The following DOCK3 variants were observed in gnomAD, a reference collection of about 807,000 sequenced individuals.
The protein encoded by DOCK3 is dedicator of cytokinesis 3.
In DOCK3, 60 loss-of-function variants were observed where a neutral mutation model predicts 265.6. That is an observed-to-expected ratio of 0.23 (90% CI 0.18 to 0.28). The LOEUF (loss-of-function observed/expected upper bound fraction) is 0.28. Among genes scored for constraint, DOCK3 ranks in the 10% least tolerant of loss-of-function variants. The probability of loss-of-function intolerance (pLI) is 1.00; values close to 1 mark genes in which losing one functional copy is unlikely to be tolerated. For missense variants in DOCK3, 1,981 were observed against 2,594.3 expected (o/e 0.76, Z 5.14); for synonymous variants, 881 against 938.0 (o/e 0.94, Z 1.11).
At chr3:51,309,577 A>G (rs2109516436) in intron 27 of DOCK3, among the ~76,000 whole-genome samples, 1 of 152,240 alleles carries the variant, frequency 6.6e-6, no homozygotes, top group African/African-American at 2.4e-5. Context: ...GACCATGGAA[A>G]GAGAGGGAGA....
At chr3:50,919,790 G>A (rs552431403) in intron 4 of DOCK3, among the ~76,000 whole-genome samples, 21 of 152,170 alleles carry the variant, frequency 1.4e-4, no homozygotes, top group South Asian at 4.2e-4. Flanking sequence ...ACACTATGTC[G>A]AATAGGAGTG....
chr3:51,381,560 G>C lies in DOCK3; in HGVS notation c.*1G>C, dbSNP rs2088651682. 2.0e-6 allele frequency: 3 copies of C among 1,506,972 alleles called. No individual in the cohort carries two copies. The highest frequency in any genetic ancestry group is 1.4e-5 in the African/African-American group (1 of 71,780). The allele number at this position is 1,506,972 out of a possible 1,614,324, so 93.4% of individuals were successfully genotyped here. On this transcript the variant is annotated 3_prime_UTR_variant, in exon 53 of 53. Transcript: ENST00000266037. The surrounding 1 kb of genome is among the most constrained non-coding windows in gnomAD (Gnocchi z 5.6). ...GGAGCACGGCCGAGGGGAGCAGTGA[G>C]GGGCAACGAGGCGGCTGGGATGCCG... is the stretch of plus-strand genomic sequence containing the variant.
At chr3:51,010,372 A>G (rs2078894087) in intron 5 of DOCK3, among the ~76,000 whole-genome samples, 1 of 152,162 alleles carries the variant, frequency 6.6e-6, no homozygotes, top group South Asian at 2.1e-4. Flanking sequence ...CCATTATATA[A>G]TAGTCTTCTT....
At chr3:51,194,511 C>T (rs1282406923) in intron 12 of DOCK3, among the ~76,000 whole-genome samples, 3 of 152,020 alleles carry the variant, frequency 2.0e-5, no homozygotes, top group Non-Finnish European at 4.4e-5. Context: ...TGTTGAAGTC[C>T]CCAACTATTA....
At chr3:50,806,615 GT>G (rs1323770674) in intron 2 of DOCK3, among the ~76,000 whole-genome samples, 2 of 151,926 alleles carry the variant, frequency 1.3e-5, no homozygotes, top group Non-Finnish European at 2.9e-5. Flanking sequence ...AGCAGCGGGG[GT>G]TGGTTTCCCT....
intron 12 of DOCK3, among the ~76,000 whole-genome samples, chr3:51,201,016 T>A (rs926475739): frequency 2.6e-5 from 4 of 151,878 alleles, no homozygotes; most frequent in African/African-American, 9.7e-5. Context: ...AAAGAGCTCC[T>A]GAGGGAAGCA....
chr3:50,772,890 C>T (rs922550476), intron 1 of DOCK3, among the ~76,000 whole-genome samples: 8 of 151,880 alleles, frequency 5.3e-5, no homozygotes, highest in South Asian at 2.1e-4. Context: ...CAGTGCAATC[C>T]CTGTCAAAGT....
intron 49 of DOCK3, among the ~76,000 whole-genome samples, chr3:51,370,190 G>C (rs1267888661): frequency 6.6e-6 from 1 of 152,232 alleles, no homozygotes; most frequent in Non-Finnish European, 1.5e-5. Flanking sequence ...CACAGTCAAG[G>C]TTGGCATTTA....
At chr3:50,769,458 C>A (rs112148566) in intron 1 of DOCK3, among the ~76,000 whole-genome samples, 59 of 152,166 alleles carry the variant, frequency 3.9e-4, no homozygotes, top group Non-Finnish European at 5.4e-4. Context: ...AAAAGCTTTT[C>A]CTTTACAATA....
At chr3:50,783,707 A>C (rs1322726360) in intron 2 of DOCK3, among the ~76,000 whole-genome samples, 1 of 152,042 alleles carries the variant, frequency 6.6e-6, no homozygotes, top group Non-Finnish European at 1.5e-5. Context: ...TAGTTTAAGT[A>C]AGTCCCATCC....
At chr3:50,745,580 T>G (rs1187427601) in intron 1 of DOCK3, among the ~76,000 whole-genome samples, 1 of 152,252 alleles carries the variant, frequency 6.6e-6, no homozygotes, top group Non-Finnish European at 1.5e-5. Context: ...ATGTCCATGC[T>G]GATTCTTCAG....
intron 12 of DOCK3, among the ~76,000 whole-genome samples, chr3:51,164,295 A>G (rs2086273798): frequency 1.3e-5 from 2 of 152,190 alleles, no homozygotes; most frequent in South Asian, 4.1e-4. Flanking sequence ...TCAGATTAAC[A>G]TAACTTACCC....
At chr3:50,810,271 C>T (rs67316637) in intron 2 of DOCK3, among the ~76,000 whole-genome samples, 14,355 of 151,912 alleles carry the variant, frequency 0.094, 839 homozygotes, top group Non-Finnish European at 0.12. Flanking sequence ...ATTTAGCTGG[C>T]GGGGTGCGGT....
chr3:50,789,187 A>G (rs2042340761), intron 2 of DOCK3, among the ~76,000 whole-genome samples: 1 of 152,142 alleles, frequency 6.6e-6, no homozygotes, highest in Non-Finnish European at 1.5e-5. Flanking sequence ...TTGTGTCACT[A>G]TTATGCAGTT....
At position 51,357,798 on chromosome 3, in the gene DOCK3, A is replaced by C; in HGVS notation, c.4724A>C (p.Asp1575Ala). 1.2e-6 allele frequency: 2 copies of C among 1,613,978 alleles called. No individual in the cohort carries two copies. Among genetic ancestry groups the C allele is most frequent in the Non-Finnish European group, 1.7e-6 (2 of 1,179,874 alleles). ...GATTACATCAACAAGCACCCAGGAGATGCTGAGAAGATCACCCAGCTCAAG... is the reference window on the plus strand; with the variant it reads ...GATTACATCAACAAGCACCCAGGAGCTGCTGAGAAGATCACCCAGCTCAAG... ...DKDYINKHPG[D>A]AEKITQLKEL... Residue 1575 changes from aspartate to alanine, a missense_variant, in exon 45 of 53, where the codon GAT (aspartate) becomes GCT (alanine). Coordinates refer to ENST00000266037, the MANE Select transcript of DOCK3 (RefSeq NM_004947.5).
chr3:51,355,945 C>G (rs2086331767), intron 41 of DOCK3, 144 bp from the exon 42 acceptor site: 1 of 963,810 alleles, frequency 1.0e-6, no homozygotes, highest in Admixed American at 2.3e-5. Flanking sequence ...TGATCTGCCC[C>G]TAGAGATGCC....
At chr3:50,775,944 C>G (rs919118622) in intron 1 of DOCK3, among the ~76,000 whole-genome samples, 1 of 152,130 alleles carries the variant, frequency 6.6e-6, no homozygotes, top group African/African-American at 2.4e-5. Context: ...AAGTGGTATT[C>G]CATGGTGTAT....
chr3:51,164,438 C>T (rs76372318), intron 12 of DOCK3, among the ~76,000 whole-genome samples: 11,030 of 151,982 alleles, frequency 0.073, 1,004 homozygotes, highest in East Asian at 0.33. Context: ...CTGGCTAACA[C>T]GGTGAAACCC....
At chr3:50,837,350 T>G (rs2045570563) in intron 2 of DOCK3, among the ~76,000 whole-genome samples, 1 of 152,178 alleles carries the variant, frequency 6.6e-6, no homozygotes, top group Non-Finnish European at 1.5e-5. Flanking sequence ...GACTCACAGT[T>G]CTGCATGACT....
Sources: gnomAD v4.1 joint callset for allele counts (sites outside exome capture counted in the v4.1 genomes callset) on GRCh38, gnomAD v4.1.1 for gene constraint, Gnocchi (gnomAD v3.1) non-coding constraint, MANE v1.5 for transcripts, NCBI Gene and HGNC (gene_info 2026-07-23, HGNC 2026-07-21) for gene names.